Variants in LARP4B observed in about 807,000 individuals in gnomAD.
LARP4B encodes the protein La ribonucleoprotein 4B, also known as la-related protein 4B.
LARP4B carries 12 observed loss-of-function variants against 89.8 expected under a neutral mutation model. That is an observed-to-expected ratio of 0.13 (90% CI 0.09 to 0.22). LARP4B has a LOEUF of 0.22. Ranked by LOEUF, LARP4B falls within the 10% of genes least tolerant of loss-of-function variation. The probability of loss-of-function intolerance (pLI) is 1.00; values close to 1 mark genes in which losing one functional copy is unlikely to be tolerated. For missense variants in LARP4B, 757 were observed against 947.7 expected (o/e 0.80, Z 2.64); for synonymous variants, 367 against 363.3 (o/e 1.01, Z -0.12).
At chr10:887,016 A>G (rs12258388) in intron 1 of LARP4B, among the ~76,000 whole-genome samples, 24,368 of 152,064 alleles carry the variant, frequency 0.16, 2,105 homozygotes, top group Non-Finnish European at 0.19. Context: ...GAACCCGGGA[A>G]GCAGGGGTTG....
the LARP4B span, among the ~76,000 whole-genome samples, chr10:979,875 G>T: frequency 1.3e-5 from 2 of 152,210 alleles, no homozygotes; most frequent in Middle Eastern, 3.2e-3. Context: ...GGAGGCTGAG[G>T]CAGGAGAATG....
chr10:817,809 T>C lies in LARP4B; in HGVS notation c.1611A>G (p.Leu537=), dbSNP rs1484764297. The C allele has an allele frequency of 1.2e-6, 2 of 1,613,966 alleles. No individual in the cohort carries two copies. Among genetic ancestry groups the C allele is most frequent in the Non-Finnish European group, 1.7e-6 (2 of 1,180,000 alleles). The change falls in exon 15 of 18, where the codon TTA becomes TTG. Residue 537 remains leucine (L), a synonymous_variant. Coordinates refer to ENST00000316157, the MANE Select transcript of LARP4B (RefSeq NM_015155.3). ...FELGLSSFPP[L]PGAAGNLKTE... ...TCTTCAAATTGCCGGCAGCTCCAGG[T>C]AATGGAGGGAAGCTGGACAGCCCCA...
intron 14 of LARP4B, 89 bp downstream of exon 14, chr10:820,711 C>G (rs888350283): frequency 8.4e-7 from 1 of 1,192,386 alleles, no homozygotes; most frequent in Non-Finnish European, 1.2e-6. Context: ...ATTCTTGTGC[C>G]TTAACCTTAA....
At chr10:932,278 G>T (rs1333291816), upstream of LARP4B, among the ~76,000 whole-genome samples, 1 of 144,340 alleles carries the variant, frequency 6.9e-6, no homozygotes, top group African/African-American at 2.6e-5. Flanking sequence ...CCACAGCTGG[G>T]ATCAAGGTCC....
Position 822,040 on chromosome 10 carries a change from CA to C in LARP4B, c.1485-1196del, listed in dbSNP as rs770989884. Among the ~76,000 whole-genome samples, 285 of 152,322 alleles carry C rather than the reference CA, an allele frequency of 1.9e-3. No homozygotes were observed. The highest frequency in any genetic ancestry group is 3.0e-3 in the Non-Finnish European group (203 of 68,022). ...GAGGGTCCTGGGCCTGCATTATGGA[CA>C]GCCACCCCAGTACACACCTGGCTCA... On this transcript the variant is annotated intron_variant, in intron 13 of 17. Coordinates refer to ENST00000316157, the MANE Select transcript of LARP4B (RefSeq NM_015155.3). The surrounding 1 kb of genome is among the most constrained non-coding windows in gnomAD (Gnocchi z 4.6).
intron 1 of LARP4B, among the ~76,000 whole-genome samples, chr10:899,930 T>C (rs1836288430): frequency 2.0e-5 from 3 of 152,206 alleles, no homozygotes; most frequent in Admixed American, 6.5e-5. Flanking sequence ...AATGTGTTAC[T>C]TTCAATGTCC....
intron 3 of LARP4B, among the ~76,000 whole-genome samples, chr10:879,866 C>T (rs1342048549): frequency 3.3e-5 from 5 of 152,140 alleles, no homozygotes; most frequent in East Asian, 1.9e-4. Context: ...CTCCGCCTCC[C>T]GGGTTCAAGC....
chr10:840,875 G>T (rs1461266425), intron 7 of LARP4B, among the ~76,000 whole-genome samples: 1 of 152,236 alleles, frequency 6.6e-6, no homozygotes, highest in East Asian at 1.9e-4. Flanking sequence ...GATGAGGCCA[G>T]GCATGGTGGC....
At chr10:885,835 C>T (rs1835842276) in intron 1 of LARP4B, 75 bp from the exon 2 acceptor site, 1 of 737,410 alleles carries the variant, frequency 1.4e-6, no homozygotes, top group East Asian at 2.9e-5. Flanking sequence ...TTAAAATCCT[C>T]AAGTTTTCCA....
Position 810,769 on chromosome 10 carries a change from G to C in LARP4B, c.*2157C>G, listed in dbSNP as rs1831718156. ...GAGTATTGAGAGTTTGGGTTTCACA[G>C]ATCAATTATTTCTGATTTTTTTTTT... On this transcript the variant is annotated 3_prime_UTR_variant, in exon 18 of 18. Coordinates refer to ENST00000316157, the MANE Select transcript of LARP4B (RefSeq NM_015155.3). The C allele has an allele frequency of 6.7e-6, 1 of 149,762 alleles. No homozygotes were observed. Among genetic ancestry groups the C allele is most frequent in the Non-Finnish European group, 1.5e-5 (1 of 67,652 alleles). 9.3% of individuals were successfully genotyped at this position (149,762 alleles called of 1,614,324 possible). A position where few individuals can be genotyped will look rare whatever the true frequency, so the allele number is the denominator to read the frequency against.
chr10:820,430 G>A (rs1328312223), intron 14 of LARP4B: 4 of 200,404 alleles, frequency 2.0e-5, no homozygotes, highest in African/African-American at 7.0e-5. Flanking sequence ...TGCTTACTCT[G>A]CTCATTGAAA....
chr10:839,481 T>C (rs1833405037), intron 7 of LARP4B, among the ~76,000 whole-genome samples: 1 of 152,174 alleles, frequency 6.6e-6, no homozygotes, highest in Admixed American at 6.6e-5. Context: ...AAAGTATGTG[T>C]GGGACATCTA....
chr10:835,216 T>C (rs1179470573), intron 8 of LARP4B, among the ~76,000 whole-genome samples: 1 of 152,234 alleles, frequency 6.6e-6, no homozygotes, highest in Non-Finnish European at 1.5e-5. Flanking sequence ...AAGACCATAC[T>C]TCTATGAGAG....
the LARP4B span, among the ~76,000 whole-genome samples, chr10:983,794 G>C: frequency 6.6e-6 from 1 of 152,158 alleles, no homozygotes; most frequent in Non-Finnish European, 1.5e-5. Flanking sequence ...TGGAGCATCA[G>C]AGAGAAATAA....
At chr10:838,431 G>A (rs1472299720) in intron 7 of LARP4B, among the ~76,000 whole-genome samples, 1 of 152,086 alleles carries the variant, frequency 6.6e-6, no homozygotes, top group Non-Finnish European at 1.5e-5. Context: ...ATAAGAAAAT[G>A]AACAAGATTA....
Position 873,263 on chromosome 10 carries a change from C to A in LARP4B, c.142-8993G>T, listed in dbSNP as rs969784279. On this transcript the variant is annotated intron_variant, in intron 3 of 17. Transcript: ENST00000316157. ...CAACACCCAGAGACCAAAAATAACCCCTTGCACAGCGGTCACATGTTCCTG... is the reference window on the plus strand; with the variant it reads ...CAACACCCAGAGACCAAAAATAACCACTTGCACAGCGGTCACATGTTCCTG... The A allele has an allele frequency of 3.0e-6, 3 of 985,242 alleles. No individual in the cohort carries two copies. The East Asian group carries it at 3.4e-4, about 112-fold the overall frequency. 61.0% of individuals were successfully genotyped at this position (985,242 alleles called of 1,614,324 possible).
At chr10:931,968 TCCGCCCCGCCCGCCCCGC>T (rs1054907749), upstream of LARP4B, among the ~76,000 whole-genome samples, 43 of 143,538 alleles carry the variant, frequency 3.0e-4, no homozygotes, top group Middle Eastern at 7.2e-3. Context: ...ACGCCGCACG[TCCGCCCCGCCCGCCCCGC>T]CCGCCCCGCC....
At chr10:911,201 G>A (rs1588983684) in intron 1 of LARP4B, among the ~76,000 whole-genome samples, 1 of 152,128 alleles carries the variant, frequency 6.6e-6, no homozygotes, top group East Asian at 1.9e-4. Flanking sequence ...ACCTAATTGG[G>A]GGAAAAGTTG....
chr10:943,720 C>T, the LARP4B span, among the ~76,000 whole-genome samples: 5 of 152,008 alleles, frequency 3.3e-5, no homozygotes, highest in Non-Finnish European at 7.4e-5. Context: ...AAGCAGTGAG[C>T]GGCGAGGGTG....
Sources: gnomAD v4.1 joint callset for allele counts (sites outside exome capture counted in the v4.1 genomes callset) on GRCh38, gnomAD v4.1.1 for gene constraint, Gnocchi (gnomAD v3.1) non-coding constraint, MANE v1.5 for transcripts, NCBI Gene and HGNC (gene_info 2026-07-23, HGNC 2026-07-21) for gene names.